POGLUT3: variants seen among roughly 807,000 people sequenced by gnomAD.
POGLUT3 encodes the protein protein O-glucosyltransferase 3, also known as KDEL (Lys-Asp-Glu-Leu) containing 2.
POGLUT3 carries 48 observed loss-of-function variants against 54.3 expected under a neutral mutation model. That is an observed-to-expected ratio of 0.88 (90% CI 0.70 to 1.12). The LOEUF is 1.12. Among genes scored for constraint, POGLUT3 ranks in the 50% most tolerant of loss-of-function variants. POGLUT3 has a pLI of 0.00. For missense variants in POGLUT3, 629 were observed against 618.7 expected, an observed-to-expected ratio of 1.02 and a Z score of -0.18; for synonymous variants, 218 against 237.4, an observed-to-expected ratio of 0.92 and a Z score of 0.75.
At chr11:108,483,745 C>T (rs1323948397) in intron 3 of POGLUT3, among the ~76,000 whole-genome samples, 6 of 152,114 alleles carry the variant, frequency 3.9e-5, no homozygotes, top group Non-Finnish European at 8.8e-5. Flanking sequence ...CTTGGCTCAC[C>T]ACAACCTCTG....
intron 2 of POGLUT3, 45 bp downstream of exon 2, chr11:108,490,925 G>A: frequency 6.8e-7 from 1 of 1,472,172 alleles, no homozygotes; most frequent in Non-Finnish European, 9.5e-7. Flanking sequence ...AAAGGCATGG[G>A]ACCTACACAC....
At chr11:108,486,823 A>C in intron 2 of POGLUT3, 1 of 164,702 alleles carries the variant, frequency 6.1e-6, no homozygotes, top group Non-Finnish European at 1.3e-5. Context: ...GACCGTCCAA[A>C]TGGATCCCTC....
At chr11:108,494,975 C>T (rs890929391) in intron 1 of POGLUT3, among the ~76,000 whole-genome samples, 1 of 152,292 alleles carries the variant, frequency 6.6e-6, no homozygotes, top group East Asian at 1.9e-4. Context: ...TTCTTCCCCC[C>T]ACCCAAGGAC....
In POGLUT3 at chr11:108,474,944, G is replaced by A. The variant is rs755427233; in HGVS notation, c.1407C>T (p.Ala469=). 42 of 1,613,782 alleles carry A rather than the reference G, an allele frequency of 2.6e-5. No individual in the cohort carries two copies. Among genetic ancestry groups the A allele is most frequent in the South Asian group, 2.5e-4 (23 of 91,062 alleles). The change falls in exon 8 of 8, where the codon GCC becomes GCT. Residue 469 remains alanine, a synonymous_variant. Transcript: ENST00000323468. ...CYYYQVLQKY[A]ERQSSKPEVR... is the part of the protein sequence containing the mutation. ...CTTCGGGTTTGCTGGACTGGCGCTC[G>A]GCATATTTCTGAAACGTGGGTTTAA...
At position 108,472,179 on chromosome 11, in the gene POGLUT3, G is replaced by A. The variant is rs1482453998; in HGVS notation, c.*2648C>T. The A allele has an allele frequency of 1.3e-5, 2 of 151,912 alleles. No individual in the cohort carries two copies. The highest frequency in any genetic ancestry group is 3.9e-4 in the East Asian group (2 of 5,180). 9.4% of individuals were successfully genotyped at this position (151,912 alleles called of 1,614,324 possible). A position where few individuals can be genotyped will look rare whatever the true frequency, so the allele number is the denominator to read the frequency against. On this transcript the variant is annotated 3_prime_UTR_variant, in exon 8 of 8. Transcript: ENST00000323468. ...ATATACATAAGTCCCAAGATATAAAGTTCTAAACATAGATTTAAAAAGAGC... is the reference window on the plus strand; with the variant it reads ...ATATACATAAGTCCCAAGATATAAAATTCTAAACATAGATTTAAAAAGAGC...
At chr11:108,494,357 G>A (rs980252144) in intron 1 of POGLUT3, among the ~76,000 whole-genome samples, 1 of 152,194 alleles carries the variant, frequency 6.6e-6, no homozygotes, top group African/African-American at 2.4e-5. Flanking sequence ...GAAGGCTAAG[G>A]TGTTGTACCA....
chr11:108,481,607 T>C (rs1339503803), intron 4 of POGLUT3, among the ~76,000 whole-genome samples: 5 of 152,206 alleles, frequency 3.3e-5, no homozygotes, highest in African/African-American at 7.2e-5. Flanking sequence ...TGCTGTATTA[T>C]GTAAAAGAAT....
rs781033213 is a variant in POGLUT3, at chr11:108,482,082, C to T, written c.825G>A (p.Thr275=). ...CAAGCATGGAGTGGGTGATGTCATA[C>T]GTTGGAAGGACAACATCTCTTGAAT... ...SLDSRDVVLP[T]YDITHSMLEA... is the part of the protein sequence containing the mutation. Residue 275 remains threonine (T), a synonymous_variant, in exon 4 of 8, where the codon ACG becomes ACA. Coordinates refer to ENST00000323468, the MANE Select transcript of POGLUT3 (RefSeq NM_153705.5). The T allele has an allele frequency of 1.9e-5, 31 of 1,614,044 alleles. No individual in the cohort carries two copies. The highest frequency in any genetic ancestry group is 5.0e-5 in the Admixed American group (3 of 60,010).
At position 108,497,139 on chromosome 11, in the gene POGLUT3, T is replaced by A. The variant is rs558598052; in HGVS notation, c.202+1026A>T. 6.8e-4 allele frequency among the ~76,000 whole-genome samples: 104 copies of A among 152,358 alleles called. 2 individuals are homozygous for A. The South Asian group carries it at 0.02, about 30-fold the overall frequency. ...TTTGACCAACAGACTGTAAGTTCCT[T>A]GATGGTCAGGCATTGTCTTTTCATC... On this transcript the variant is annotated intron_variant, in intron 1 of 7. Transcript: ENST00000323468.
intron 2 of POGLUT3, among the ~76,000 whole-genome samples, chr11:108,489,301 T>A (rs1181839581): frequency 6.6e-6 from 1 of 152,194 alleles, no homozygotes; most frequent in South Asian, 2.1e-4. Flanking sequence ...ACAGAAAACA[T>A]ATTTGAAGCA....
At chr11:108,481,586 GTCTT>G (rs1235898489) in intron 4 of POGLUT3, among the ~76,000 whole-genome samples, 1 of 152,050 alleles carries the variant, frequency 6.6e-6, no homozygotes, top group Non-Finnish European at 1.5e-5. Flanking sequence ...AAAAAAAACA[GTCTT>G]TTTATTTGCT....
At position 108,474,756 on chromosome 11, in the gene POGLUT3, C is replaced by G; in HGVS notation, c.*71G>C. The G allele has an allele frequency of 6.4e-7, 1 of 1,570,424 alleles. No individual in the cohort carries two copies. The highest frequency in any genetic ancestry group is 1.2e-5 in the South Asian group (1 of 86,510). On this transcript the variant is annotated 3_prime_UTR_variant, in exon 8 of 8. Transcript: ENST00000323468. The stretch of plus-strand genomic sequence containing the variant: ...CACTTGGTGCAGTCTTCTATACTGT[C>G]CTTCACAGCTTAGATTCAATCTTTC...
At chr11:108,482,701 G>A (rs1008957701) in intron 3 of POGLUT3, among the ~76,000 whole-genome samples, 3 of 151,946 alleles carry the variant, frequency 2.0e-5, no homozygotes, top group Non-Finnish European at 4.4e-5. Flanking sequence ...AGCCAAGATC[G>A]CGCCACTGCA....
rs562747843 is a variant in POGLUT3 at position 108,482,967 on chromosome 11, G to C, written c.685-745C>G. On this transcript the variant is annotated intron_variant, in intron 3 of 7. Coordinates refer to ENST00000323468, the MANE Select transcript of POGLUT3 (RefSeq NM_153705.5). ...CTGCCAGTCCATTTCCATCTCCACG[G>C]TCAATGTCTCAGTTTAGACTCTCAT... Among the ~76,000 whole-genome samples the C allele has an allele frequency of 5.3e-5, 8 of 152,048 alleles. No individual in the cohort carries two copies. In the South Asian group the frequency reaches 1.5e-3, roughly 28 times the overall value.
intron 2 of POGLUT3, among the ~76,000 whole-genome samples, chr11:108,488,034 G>T (rs1041118725): frequency 6.6e-6 from 1 of 151,850 alleles, no homozygotes; most frequent in Non-Finnish European, 1.5e-5. Context: ...TTTTGTTGTT[G>T]TTTTTTTGAG....
chr11:108,486,319 A>C lies in POGLUT3; in HGVS notation c.522T>G (p.Asn174Lys), dbSNP rs1179865408. The C allele has an allele frequency of 1.2e-6, 2 of 1,614,140 alleles. No individual in the cohort carries two copies. The highest frequency in any genetic ancestry group is 3.3e-5 in the Admixed American group (2 of 60,006). Residue 174 changes from asparagine to lysine, a missense_variant, in exon 3 of 8, where the codon AAT becomes AAG. Transcript: ENST00000323468. ...GGACTTCTTTTAGCATTTGCTGGAGATTGATGCTGGGAAAGGAAGCAAAAT... is the reference window on the plus strand; with the variant it reads ...GGACTTCTTTTAGCATTTGCTGGAGCTTGATGCTGGGAAAGGAAGCAAAAT... The part of the protein sequence containing the change: ...AKDFASFPSI[N>K]LQQMLKEVPK...
intron 2 of POGLUT3, among the ~76,000 whole-genome samples, chr11:108,490,272 A>G (rs2093610758): frequency 6.6e-6 from 1 of 151,874 alleles, no homozygotes. Flanking sequence ...ATCTTGGCTC[A>G]CTGCAACCTC....
rs1203925664 is a variant in POGLUT3 at position 108,479,426 on chromosome 11, T to G, written c.1168A>C (p.Ser390Arg). ...YRYPYLMLGD[S>R]LVLKQDSPYY... is the part of the protein sequence containing the mutation. ...GGCGAGTCCTGCTTTAAAACCAGAC[T>G]GTCGCCCAGCATGAGATATGGATAT... is the stretch of plus-strand genomic sequence containing the variant. The change falls in exon 6 of 8, where the codon AGT becomes CGT. Residue 390 changes from serine to arginine, a missense_variant. By Grantham distance (110) the Ser-to-Arg change is moderately radical. Coordinates refer to ENST00000323468, the MANE Select transcript of POGLUT3 (RefSeq NM_153705.5). The G allele has an allele frequency of 6.2e-7, 1 of 1,613,350 alleles. No individual in the cohort carries two copies. Among genetic ancestry groups the G allele is most frequent in the Non-Finnish European group, 8.5e-7 (1 of 1,179,942 alleles).
chr11:108,496,974 C>T (rs866746269), intron 1 of POGLUT3, among the ~76,000 whole-genome samples: 12 of 152,368 alleles, frequency 7.9e-5, no homozygotes, highest in Middle Eastern at 6.8e-3. Flanking sequence ...TATGCCTGCC[C>T]AGCAAACCTT....
Sources: gnomAD v4.1 joint callset for allele counts (sites outside exome capture counted in the v4.1 genomes callset) on GRCh38, gnomAD v4.1.1 for gene constraint, MANE v1.5 for transcripts, NCBI Gene and HGNC (gene_info 2026-07-23, HGNC 2026-07-21) for gene names.